Variants in FBN1 observed in about 807,000 individuals in gnomAD.
FBN1 encodes fibrillin-1.
FBN1 carries 29 observed loss-of-function variants against 365.1 expected under a neutral mutation model. The ratio of observed to expected loss-of-function variants is 0.08; its 90% confidence interval spans 0.06 to 0.11. The LOEUF (loss-of-function observed/expected upper bound fraction) is 0.11. Among genes scored for constraint, FBN1 ranks in the 10% least tolerant of loss-of-function variants. The probability of loss-of-function intolerance (pLI) is 1.00; values close to 1 mark genes in which losing one functional copy is unlikely to be tolerated. For missense variants in FBN1, 2,476 were observed against 3,703.2 expected (o/e 0.67, Z 8.60); for synonymous variants, 1,210 against 1,270.5 (o/e 0.95, Z 1.01).
At position 48,489,887 on chromosome 15, in the gene FBN1, T is replaced by C. The variant is rs769556136; in HGVS notation, c.3046A>G (p.Thr1016Ala). The C allele has an allele frequency of 3.7e-6, 6 of 1,614,226 alleles. No individual in the cohort carries two copies. In the South Asian group the frequency reaches 6.6e-5, roughly 18 times the overall value. Residue 1016 changes from threonine (T) to alanine (A), a missense_variant, in exon 25 of 66, where the codon ACA becomes GCA. Coordinates refer to ENST00000316623, the MANE Select transcript of FBN1 (RefSeq NM_000138.5). Reference sequence around the variant, plus strand: ...GGCTTTCCATTTGTAATTTCTTTTGTGGCAAATCCGGGTCCTCTCGGACAC... The same window carrying C: ...GGCTTTCCATTTGTAATTTCTTTTGCGGCAAATCCGGGTCCTCTCGGACAC... ...ELCPRGPGFA[T>A]KEITNGKPFF... is the part of the protein sequence containing the mutation.
At chr15:48,508,445 T>A in intron 15 of FBN1, 137 bp downstream of exon 15, 1 of 1,025,192 alleles carries the variant, frequency 9.8e-7, no homozygotes, top group Admixed American at 2.0e-5. Context: ...TAAGAAGGAG[T>A]TTCAGTCAGG....
intron 2 of FBN1, among the ~76,000 whole-genome samples, chr15:48,638,891 G>T (rs966918200): frequency 3.9e-5 from 6 of 152,154 alleles, no homozygotes; most frequent in African/African-American, 1.4e-4. Context: ...ACGCCCAGCA[G>T]GCTGCCTGCA....
chr15:48,450,859 T>C (rs1056867147), intron 45 of FBN1, among the ~76,000 whole-genome samples: 6 of 149,888 alleles, frequency 4.0e-5, no homozygotes, highest in African/African-American at 1.5e-4. Context: ...CTTTGCAGCA[T>C]GCCTGAAAAA....
chr15:48,627,768 GA>G (rs1889912174), intron 2 of FBN1, among the ~76,000 whole-genome samples: 1 of 152,134 alleles, frequency 6.6e-6, no homozygotes, highest in South Asian at 2.1e-4. Context: ...AATCCAACCC[GA>G]AAGATTTCCC....
intron 6 of FBN1, among the ~76,000 whole-genome samples, chr15:48,550,449 T>C (rs1351019721): frequency 3.9e-5 from 6 of 152,038 alleles, no homozygotes; most frequent in Non-Finnish European, 1.5e-5. Context: ...CCCGCAAACT[T>C]TGTCAAATTT....
chr15:48,544,442 G>A (rs2044080408), intron 6 of FBN1, among the ~76,000 whole-genome samples: 2 of 152,036 alleles, frequency 1.3e-5, no homozygotes, highest in Admixed American at 1.3e-4. Context: ...AAACCATATA[G>A]GAAAAAAACA....
chr15:48,577,821 G>A (rs191799645), intron 6 of FBN1, among the ~76,000 whole-genome samples: 26 of 152,238 alleles, frequency 1.7e-4, no homozygotes, highest in African/African-American at 4.1e-4. Flanking sequence ...GGGCATGATC[G>A]TCCTTTTTGC....
chr15:48,503,645 C>T, intron 17 of FBN1, 142 bp downstream of exon 17: 1 of 989,000 alleles, frequency 1.0e-6, no homozygotes, highest in Non-Finnish European at 1.6e-6. Context: ...TAGACACTGG[C>T]TGGCCTCTGC....
intron 6 of FBN1, among the ~76,000 whole-genome samples, chr15:48,563,258 G>A (rs1038245437): frequency 2.0e-5 from 3 of 152,214 alleles, no homozygotes; most frequent in African/African-American, 7.2e-5. Flanking sequence ...GAGAGAAAGA[G>A]ACTTTTAGGT....
Position 48,410,720 on chromosome 15 carries a change from C to G in FBN1, c.*270G>C. 1 of 426,562 alleles carries G rather than the reference C, an allele frequency of 2.3e-6. No individual in the cohort carries two copies. The highest frequency in any genetic ancestry group is 3.2e-5 in the South Asian group (1 of 31,200). 26.4% of individuals were successfully genotyped at this position (426,562 alleles called of 1,614,324 possible). A position where few individuals can be genotyped will look rare whatever the true frequency, so the allele number is the denominator to read the frequency against. On this transcript the variant is annotated 3_prime_UTR_variant, in exon 66 of 66. Transcript: ENST00000316623. ...GGCATGTCAGCATAAATGGCCAACC[C>G]CCAATGGAAATACACGTCCCAGTTT...
In FBN1 at chr15:48,465,917, T is replaced by C. The variant is rs1327656739; in HGVS notation, c.4748-59A>G. ...GAATCTAAAGTTTTTAGAAATAGTA[T>C]CCTCAAGAGAAATACTCACATATCC... On this transcript the variant is annotated intron_variant, in intron 38 of 65. Coordinates refer to ENST00000316623, the MANE Select transcript of FBN1 (RefSeq NM_000138.5). The C allele has an allele frequency of 1.1e-5, 13 of 1,173,932 alleles. No individual in the cohort carries two copies. The East Asian group carries it at 2.6e-4, about 24-fold the overall frequency. 72.7% of individuals were successfully genotyped at this position (1,173,932 alleles called of 1,614,324 possible). A position where few individuals can be genotyped will look rare whatever the true frequency, so the allele number is the denominator to read the frequency against.
intron 22 of FBN1, among the ~76,000 whole-genome samples, chr15:48,494,635 T>A (rs895255194): frequency 6.6e-6 from 1 of 152,222 alleles, no homozygotes; most frequent in African/African-American, 2.4e-5. Context: ...AATTTGGAGA[T>A]CTCATGGCCT....
chr15:48,589,609 C>CTTTTTTTTTT (rs756647308), intron 6 of FBN1, among the ~76,000 whole-genome samples: 2 of 108,720 alleles, frequency 1.8e-5, no homozygotes, highest in African/African-American at 4.2e-5. Context: ...TTGTTACTTT[C>CTTTTTTTTTT]TTTTTTTTTT....
At chr15:48,445,328 T>A (rs1444606925) in intron 48 of FBN1, 48 bp downstream of exon 48, 3 of 1,600,646 alleles carry the variant, frequency 1.9e-6, no homozygotes, top group Non-Finnish European at 2.6e-6. Context: ...ATTCCTTGAG[T>A]GGTCTCTGGA....
At chr15:48,521,154 T>C (rs1318863349) in intron 9 of FBN1, among the ~76,000 whole-genome samples, 1 of 152,252 alleles carries the variant, frequency 6.6e-6, no homozygotes, top group Non-Finnish European at 1.5e-5. Flanking sequence ...TATAAAGACA[T>C]GTCTCTATGC....
chr15:48,492,347 A>G, intron 24 of FBN1, 114 bp downstream of exon 24: 1 of 1,044,812 alleles, frequency 9.6e-7, no homozygotes. Flanking sequence ...GACATGCTGA[A>G]TTTTGGAGTG....
At position 48,644,857 on chromosome 15, in the gene FBN1, C is replaced by T. The variant is rs899699761; in HGVS notation, c.-88G>A. 37 of 1,262,416 alleles carry T rather than the reference C, an allele frequency of 2.9e-5. No individual in the cohort carries two copies. Among genetic ancestry groups the T allele is most frequent in the Non-Finnish European group, 3.6e-5 (36 of 994,324 alleles). The allele number at this position is 1,262,416 out of a possible 1,614,324, so 78.2% of individuals were successfully genotyped here. ...CCGCTGCGCCCTGAAGCGCACCGCG[C>T]CGCCGGGGTCCCGCTATCCCGCCGC... On this transcript the variant is annotated 5_prime_UTR_variant, in exon 2 of 66. Transcript: ENST00000316623.
intron 40 of FBN1, 30 bp downstream of exon 40, chr15:48,465,538 A>G: frequency 1.2e-6 from 2 of 1,613,682 alleles, no homozygotes; most frequent in Non-Finnish European, 1.7e-6. Flanking sequence ...GATATCTGCA[A>G]GACCTTATCA....
At chr15:48,625,967 A>C (rs1010756803) in intron 2 of FBN1, among the ~76,000 whole-genome samples, 2 of 152,242 alleles carry the variant, frequency 1.3e-5, no homozygotes, top group Admixed American at 1.3e-4. Context: ...CCACTAAGAC[A>C]ACATAAGTTA....
Sources: gnomAD v4.1 joint callset for allele counts (sites outside exome capture counted in the v4.1 genomes callset) on GRCh38, gnomAD v4.1.1 for gene constraint, MANE v1.5 for transcripts, NCBI Gene and HGNC (gene_info 2026-07-23, HGNC 2026-07-21) for gene names.